The following COL5A1 variants were observed in gnomAD, a reference collection of about 807,000 sequenced individuals.
COL5A1 encodes the protein collagen type V alpha 1 chain.
Under a neutral mutation model 263.7 loss-of-function variants are expected in COL5A1, and 16 were observed. The observed-to-expected ratio is 0.06, with a 90% CI of 0.04 to 0.09. COL5A1 has a LOEUF of 0.09. COL5A1 is among the 10% of genes least tolerant of loss of function. The pLI is 1.00. For missense variants in COL5A1, 2,036 were observed against 2,540.5 expected, an observed-to-expected ratio of 0.80 and a Z score of 4.27; for synonymous variants, 1,012 against 1,004.5, an observed-to-expected ratio of 1.01 and a Z score of -0.14.
rs1446366382 is a variant in COL5A1 at position 134,742,393 on chromosome 9, G to A, written c.1494+3585G>A. Among the ~76,000 whole-genome samples the A allele has an allele frequency of 1.3e-5, 2 of 152,266 alleles. No homozygotes were observed. Among genetic ancestry groups the A allele is most frequent in the East Asian group, 1.9e-4 (1 of 5,144 alleles). On this transcript the variant is annotated intron_variant, in intron 11 of 65. Transcript: ENST00000371817. The surrounding 1 kb of genome is among the most constrained non-coding windows in gnomAD (Gnocchi z 4.6). The stretch of plus-strand genomic sequence containing the variant: ...CATTGGAGGAAGAGCTGGGAATCCC[G>A]AGATGGGAGGTCTGGAGCGGCTGTG...
At chr9:134,825,325 T>C (rs1399645161) in intron 62 of COL5A1, among the ~76,000 whole-genome samples, 1 of 152,116 alleles carries the variant, frequency 6.6e-6, no homozygotes, top group African/African-American at 2.4e-5. Context: ...CACATCCTTC[T>C]CCTCACCATC....
In COL5A1 at chr9:134,814,857, C is replaced by T. The variant is rs147834004; in HGVS notation, c.3967C>T (p.Pro1323Ser). Reference sequence around the variant, plus strand: ...AGGCCCTTCAGGTGCTGCCGGACCCCCTGGACCCAAAGGCCCTCCCGGAGA... The same window carrying T: ...AGGCCCTTCAGGTGCTGCCGGACCCTCTGGACCCAAAGGCCCTCCCGGAGA... ...ESGPSGAAGP[P>S]GPKGPPGDDG... The change falls in exon 50 of 66, where the codon CCT (proline) becomes TCT (serine). Residue 1323 changes from proline to serine, a missense_variant. Physicochemically the swap from Pro to Ser is moderately conservative, Grantham distance 74. Around this residue, in one of 3 missense-constraint regions of COL5A1, gnomAD observed 1,078 missense variants for 1,521.4 expected, o/e 0.71. Transcript: ENST00000371817. The T allele has an allele frequency of 4.5e-6, 7 of 1,551,598 alleles. No homozygotes were observed. The highest frequency in any genetic ancestry group is 6.1e-6 in the Non-Finnish European group (7 of 1,147,130).
At chr9:134,694,482 C>T (rs12346387) in intron 2 of COL5A1, among the ~76,000 whole-genome samples, 54,983 of 152,226 alleles carry the variant, frequency 0.36, 10,808 homozygotes, top group African/African-American at 0.5. Flanking sequence ...CCTAGGCCAC[C>T]CTCCTCAGGG....
rs762503790 is a variant in COL5A1 at position 134,818,987 on chromosome 9, C to A, written c.4393-13C>A. The A allele has an allele frequency of 5.0e-6, 8 of 1,613,296 alleles. No homozygotes were observed. The East Asian group carries it at 1.6e-4, about 31-fold the overall frequency. ...AAGGATGAGGACTCTGATCCCCCTG[C>A]CTCCTCCCACAGGGTCCCCCAGGAC... On this transcript the variant is annotated splice_polypyrimidine_tract_variant and intron_variant, in intron 56 of 65. Transcript: ENST00000371817. This position sits in a 1 kb window ranked among gnomAD's most constrained non-coding sequence, Gnocchi z 6.0.
intron 11 of COL5A1, among the ~76,000 whole-genome samples, chr9:134,747,683 A>G (rs1030977343): frequency 8.6e-5 from 13 of 152,044 alleles, no homozygotes; most frequent in African/African-American, 3.1e-4. Flanking sequence ...ATTCATACAC[A>G]CATGCAAACA....
intron 1 of COL5A1, among the ~76,000 whole-genome samples, chr9:134,664,755 T>C (rs2132503040): frequency 6.6e-6 from 1 of 152,266 alleles, no homozygotes; most frequent in Non-Finnish European, 1.5e-5. Context: ...GCAATATCTA[T>C]CCAAGCATTA....
chr9:134,759,551 A>ACT (rs1491267854), intron 18 of COL5A1, among the ~76,000 whole-genome samples: 2 of 102,076 alleles, frequency 2.0e-5, no homozygotes, highest in African/African-American at 5.7e-5. Context: ...GCGCACACAC[A>ACT]CTCATACACA....
Position 134,728,674 on chromosome 9 carries a change from C to T in COL5A1, c.791C>T (p.Thr264Met), listed in dbSNP as rs148548209. 33 of 1,613,930 alleles carry T rather than the reference C, an allele frequency of 2.0e-5. No homozygotes were observed. Among genetic ancestry groups the T allele is most frequent in the Middle Eastern group, 1.6e-4 (1 of 6,084 alleles). Residue 264 changes from threonine (T) to methionine (M), a missense_variant, in exon 6 of 66, where the codon ACG becomes ATG. By Grantham distance (81) the Thr-to-Met change is moderately conservative. Transcript: ENST00000371817. ...GGGGCCGCAATTCGCTTTCAGTACA[C>T]GGAAGGAGACGGCGAGGGTGAGACC... ...SQDPNPDEYY[T>M]EGDGEGETYY...
chr9:134,757,364 A>G lies in COL5A1; in HGVS notation c.1881+546A>G. Among the ~76,000 whole-genome samples, 1 of 151,794 alleles carries G rather than the reference A, an allele frequency of 6.6e-6. No homozygotes were observed. Among genetic ancestry groups the G allele is most frequent in the Non-Finnish European group, 1.5e-5 (1 of 67,970 alleles). ...GTGAGCATTGCCCCGGTCTTGGCTC[A>G]CCCCTCCTCCTCGCCTCTTGGAAGC... On this transcript the variant is annotated intron_variant, in intron 17 of 65. Coordinates refer to ENST00000371817, the MANE Select transcript of COL5A1 (RefSeq NM_000093.5). This position sits in a 1 kb window ranked among gnomAD's most constrained non-coding sequence, Gnocchi z 6.2.
At chr9:134,802,113 A>G in intron 38 of COL5A1, 106 bp downstream of exon 38, 1 of 1,138,098 alleles carries the variant, frequency 8.8e-7, no homozygotes, top group South Asian at 1.2e-5. Flanking sequence ...CCGGAGGTGC[A>G]GGTACTGCTG....
intron 1 of COL5A1, among the ~76,000 whole-genome samples, chr9:134,651,844 G>A (rs1219928090): frequency 6.6e-6 from 1 of 152,262 alleles, no homozygotes; most frequent in Non-Finnish European, 1.5e-5. Context: ...TTTGCTGCTG[G>A]TTGTCTTCCC....
At chr9:134,662,272 G>A (rs1456409251) in intron 1 of COL5A1, among the ~76,000 whole-genome samples, 1 of 152,174 alleles carries the variant, frequency 6.6e-6, no homozygotes, top group East Asian at 1.9e-4. Flanking sequence ...CCCCCAGGCA[G>A]GGCCCTGACT....
Position 134,751,237 on chromosome 9 carries a change from G to A in COL5A1, c.1662+355G>A, listed in dbSNP as rs111653304. Reference sequence around the variant, plus strand: ...GACCCCGAGAGCGTGTCACTGTCCAGTAGGGACCCCGAGATCATGGGGACT... The same window carrying A: ...GACCCCGAGAGCGTGTCACTGTCCAATAGGGACCCCGAGATCATGGGGACT... On this transcript the variant is annotated intron_variant, in intron 13 of 65. Coordinates refer to ENST00000371817, the MANE Select transcript of COL5A1 (RefSeq NM_000093.5). Among the ~76,000 whole-genome samples, 749 of 151,132 alleles carry A rather than the reference G, an allele frequency of 5.0e-3. 3 individuals carry two copies. The highest frequency in any genetic ancestry group is 8.3e-3 in the Non-Finnish European group (561 of 67,286).
At chr9:134,792,279 T>A (rs1053388506) in intron 32 of COL5A1, among the ~76,000 whole-genome samples, 3 of 152,208 alleles carry the variant, frequency 2.0e-5, no homozygotes, top group Non-Finnish European at 1.5e-5. Flanking sequence ...GAAACAGCTC[T>A]GGTCCCAGTG....
At chr9:134,744,315 A>G (rs1450633103) in intron 11 of COL5A1, among the ~76,000 whole-genome samples, 3 of 151,764 alleles carry the variant, frequency 2.0e-5, no homozygotes, top group Non-Finnish European at 4.4e-5. Context: ...ACTCACATTC[A>G]CATGCACTCA....
chr9:134,709,988 C>T (rs1833967838), intron 4 of COL5A1, among the ~76,000 whole-genome samples: 1 of 152,120 alleles, frequency 6.6e-6, no homozygotes, highest in African/African-American at 2.4e-5. Flanking sequence ...GAGGAGCTGC[C>T]CTCACACGGC....
At chr9:134,727,046 C>CGAAT (rs1554787460) in intron 4 of COL5A1, among the ~76,000 whole-genome samples, 1 of 103,144 alleles carries the variant, frequency 9.7e-6, no homozygotes, top group Non-Finnish European at 2.2e-5. Flanking sequence ...GATGAGTGAA[C>CGAAT]GGATGGATGG....
Position 134,700,015 on chromosome 9 carries a change from T to A in COL5A1, c.384T>A (p.Ile128=). 1.2e-6 allele frequency: 2 copies of A among 1,613,758 alleles called. No individual in the cohort carries two copies. The highest frequency in any genetic ancestry group is 1.7e-6 in the Non-Finnish European group (2 of 1,180,032). The change falls in exon 3 of 66, where the codon ATT becomes ATA. Residue 128 remains isoleucine, a synonymous_variant. Coordinates refer to ENST00000371817, the MANE Select transcript of COL5A1 (RefSeq NM_000093.5). The surrounding 1 kb of genome is among the most constrained non-coding windows in gnomAD (Gnocchi z 4.0). The stretch of plus-strand genomic sequence containing the variant: ...ACAACGAGCAGGGTATCCAGCAGAT[T>A]GGGCTGGAGCTGGGCCGCTCTCCCG... ...SIYNEQGIQQ[I]GLELGRSPVF... is the part of the protein sequence containing the mutation.
At position 134,641,909 on chromosome 9, in the gene COL5A1, TGGAGGA is replaced by T; in HGVS notation, c.-264_-259del. ...CGGCGAGGAGGAGGCGAGAAGGAGT[TGGAGGA>T]GGAGGAGGAGGAGGCGAGGGCGAGC... On this transcript the variant is annotated 5_prime_UTR_variant, in exon 1 of 66. Coordinates refer to ENST00000371817, the MANE Select transcript of COL5A1 (RefSeq NM_000093.5). 1 of 369,626 alleles carries T rather than the reference TGGAGGA, an allele frequency of 2.7e-6. No individual in the cohort carries two copies. Among genetic ancestry groups the T allele is most frequent in the Non-Finnish European group, 4.8e-6 (1 of 208,226 alleles). The allele number at this position is 369,626 out of a possible 1,614,324, so 22.9% of individuals were successfully genotyped here. A position where few individuals can be genotyped will look rare whatever the true frequency, so the allele number is the denominator to read the frequency against.
Sources: gnomAD v4.1 joint callset for allele counts (sites outside exome capture counted in the v4.1 genomes callset) on GRCh38, gnomAD v4.1.1 for gene constraint, gnomAD v4.1.1 regional missense constraint, Gnocchi (gnomAD v3.1) non-coding constraint, MANE v1.5 for transcripts, NCBI Gene and HGNC (gene_info 2026-07-23, HGNC 2026-07-21) for gene names.